MTUS1: variants seen among roughly 807,000 people sequenced by gnomAD.
The protein encoded by MTUS1 is microtubule associated scaffold protein 1.
A neutral mutation model predicts 120.8 loss-of-function variants in MTUS1; 109 were observed. That is an observed-to-expected ratio of 0.90 (90% CI 0.77 to 1.06). The LOEUF (loss-of-function observed/expected upper bound fraction) is 1.06. MTUS1 is among the 50% of genes least tolerant of loss of function. The probability of loss-of-function intolerance (pLI) is 0.00; values close to 1 mark genes in which losing one functional copy is unlikely to be tolerated. For missense variants in MTUS1, 2,210 were observed against 1,486.3 expected (o/e 1.49, Z -8.01); for synonymous variants, 737 against 550.5 (o/e 1.34, Z -4.74).
chr8:17,651,590 T>C (rs1020233061), intron 12 of MTUS1: 1 of 151,592 alleles, frequency 6.6e-6, no homozygotes, highest in South Asian at 2.1e-4. Flanking sequence ...TAGAGGGAAA[T>C]GGCATAACTT....
chr8:17,758,857 T>C (rs1332682311), intron 1 of MTUS1, among the ~76,000 whole-genome samples: 1 of 152,224 alleles, frequency 6.6e-6, no homozygotes, highest in Non-Finnish European at 1.5e-5. Flanking sequence ...ATAAATTGAA[T>C]TAAGGGCTCA....
intron 6 of MTUS1, 116 bp downstream of exon 6, chr8:17,713,098 C>T: frequency 3.5e-6 from 3 of 855,794 alleles, no homozygotes; most frequent in Non-Finnish European, 5.7e-6. Flanking sequence ...AGGTTTACAC[C>T]TCAAATTGGA....
At chr8:17,663,104 C>T (rs1289035964) in intron 8 of MTUS1, among the ~76,000 whole-genome samples, 1 of 152,108 alleles carries the variant, frequency 6.6e-6, no homozygotes. Flanking sequence ...TTTTGCTTTT[C>T]AAGTAATTAT....
At chr8:17,667,850 C>T (rs1163427684) in intron 8 of MTUS1, among the ~76,000 whole-genome samples, 1 of 152,120 alleles carries the variant, frequency 6.6e-6, no homozygotes, top group African/African-American at 2.4e-5. Flanking sequence ...GAGAAGTAGA[C>T]TGAGAGCTGA....
At chr8:17,693,624 A>C (rs1321726304) in intron 6 of MTUS1, among the ~76,000 whole-genome samples, 2 of 152,180 alleles carry the variant, frequency 1.3e-5, no homozygotes, top group Admixed American at 1.3e-4. Flanking sequence ...TGTCGGAAAC[A>C]CTTTGTTTCT....
chr8:17,689,550 A>T (rs1318052218), intron 6 of MTUS1, among the ~76,000 whole-genome samples: 1 of 152,178 alleles, frequency 6.6e-6, no homozygotes, highest in East Asian at 1.9e-4. Flanking sequence ...CAAATTTCTC[A>T]TACTCTTATG....
At chr8:17,669,048 C>T (rs1811480130) in intron 8 of MTUS1, among the ~76,000 whole-genome samples, 1 of 152,196 alleles carries the variant, frequency 6.6e-6, no homozygotes, top group Non-Finnish European at 1.5e-5. Flanking sequence ...GTGCCAAGCA[C>T]AAGGTGGGAG....
intron 8 of MTUS1, among the ~76,000 whole-genome samples, chr8:17,668,894 T>C (rs1046797461): frequency 6.6e-5 from 10 of 152,220 alleles, no homozygotes; most frequent in African/African-American, 2.4e-4. Flanking sequence ...GTGTTTGTCA[T>C]AGAAATGTTA....
chr8:17,781,170 T>C (rs1012675609), intron 1 of MTUS1, among the ~76,000 whole-genome samples: 9 of 152,166 alleles, frequency 5.9e-5, no homozygotes, highest in Admixed American at 5.9e-4. Context: ...CCACCTAAAA[T>C]GGAACAAAGG....
rs763674233 is a variant in MTUS1 at position 17,723,749 on chromosome 8, C to G, written c.2372G>C (p.Ser791Thr). ...GCTTCCTGTCCTCCGCAGCGCAGGA[C>G]TTTTCAAAGATGCTTTGGATTTAGG... ...PLPKSKASLK[S>T]PALRRTGSTP... Residue 791 changes from serine (S) to threonine (T), a missense_variant, in exon 4 of 15, where the codon AGT becomes ACT. Transcript: ENST00000693296. 7.5e-6 allele frequency: 12 copies of G among 1,610,618 alleles called. No homozygotes were observed. In the East Asian group the frequency reaches 1.1e-4, roughly 15 times the overall value.
intron 8 of MTUS1, among the ~76,000 whole-genome samples, chr8:17,657,603 G>A (rs1273184030): frequency 6.7e-6 from 1 of 149,552 alleles, no homozygotes; most frequent in South Asian, 2.1e-4. Context: ...AGAATCATTT[G>A]CACCTAGGAG....
chr8:17,786,745 G>A (rs899571084), intron 1 of MTUS1, among the ~76,000 whole-genome samples: 2 of 152,142 alleles, frequency 1.3e-5, no homozygotes, highest in South Asian at 2.1e-4. Flanking sequence ...GGATCCACCC[G>A]AGCGGTATGA....
At chr8:17,712,113 G>A (rs532857047) in intron 6 of MTUS1, among the ~76,000 whole-genome samples, 32 of 152,336 alleles carry the variant, frequency 2.1e-4, no homozygotes, top group Middle Eastern at 3.4e-3. Context: ...ACACAGACAT[G>A]AAGTGAGCAA....
At chr8:17,751,842 G>A (rs1412885069) in intron 2 of MTUS1, among the ~76,000 whole-genome samples, 3 of 110,334 alleles carry the variant, frequency 2.7e-5, no homozygotes, top group Non-Finnish European at 5.2e-5. Flanking sequence ...TGGCGAAAGA[G>A]CAAGAACAAG....
chr8:17,674,512 A>G (rs757337696), intron 8 of MTUS1: 149 of 985,110 alleles, frequency 1.5e-4, no homozygotes, highest in Non-Finnish European at 1.7e-4. Context: ...CTTCCAGGAG[A>G]GAATGGAACT....
In MTUS1 at chr8:17,649,836, G is replaced by A; in HGVS notation, c.3501+10C>T. 1 of 1,420,996 alleles carries A rather than the reference G, an allele frequency of 7.0e-7. No individual in the cohort carries two copies. The highest frequency in any genetic ancestry group is 1.1e-5 in the South Asian group (1 of 86,998). The allele number at this position is 1,420,996 out of a possible 1,614,324, so 88.0% of individuals were successfully genotyped here. A position where few individuals can be genotyped will look rare whatever the true frequency, so the allele number is the denominator to read the frequency against. Reference sequence around the variant, plus strand: ...TTGTAAGATCCTCTTTCATTCTGAAGGAAACATACCAGTTTCTCCATTTTC... The same window carrying A: ...TTGTAAGATCCTCTTTCATTCTGAAAGAAACATACCAGTTTCTCCATTTTC... On this transcript the variant is annotated intron_variant, in intron 13 of 14. Coordinates refer to ENST00000693296, the MANE Select transcript of MTUS1 (RefSeq NM_001363059.2).
chr8:17,754,094 T>C lies in MTUS1; in HGVS notation c.1714A>G (p.Asn572Asp). 6 of 1,614,098 alleles carry C rather than the reference T, an allele frequency of 3.7e-6. No individual in the cohort carries two copies. In the South Asian group the frequency reaches 5.5e-5, roughly 15 times the overall value. The change falls in exon 2 of 15, where the codon AAC becomes GAC. Residue 572 changes from asparagine to aspartate, a missense_variant. By Grantham distance (23) the Asn-to-Asp change is conservative. Coordinates refer to ENST00000693296, the MANE Select transcript of MTUS1 (RefSeq NM_001363059.2). Reference sequence around the variant, plus strand: ...TTAAACTGCTGCTTATGTGTCTTGTTAATTAGAATTTCTGCTTTTTTGTCT... The same window carrying C: ...TTAAACTGCTGCTTATGTGTCTTGTCAATTAGAATTTCTGCTTTTTTGTCT... The part of the protein sequence containing the change: ...NADKKAEILI[N>D]KTHKQQFNKL...
At chr8:17,789,530 G>A (rs984103846) in intron 1 of MTUS1, among the ~76,000 whole-genome samples, 1 of 152,092 alleles carries the variant, frequency 6.6e-6, no homozygotes. Flanking sequence ...TCTCTCCAAA[G>A]TCCACTTGGT....
chr8:17,751,101 G>A lies in MTUS1; in HGVS notation c.2091+2616C>T, dbSNP rs556024110. ...GGAGGCCAATGTGGGCGGATCACTT[G>A]AGGTCAGGAGTTCGAGACCAGCCTG... On this transcript the variant is annotated intron_variant, in intron 2 of 14. Coordinates refer to ENST00000693296, the MANE Select transcript of MTUS1 (RefSeq NM_001363059.2). Among the ~76,000 whole-genome samples the A allele has an allele frequency of 5.9e-5, 9 of 152,248 alleles. No homozygotes were observed. In the East Asian group the frequency reaches 1.7e-3, roughly 29 times the overall value.
Sources: allele counts gnomAD v4.1 joint callset (sites outside exome capture counted in the v4.1 genomes callset), GRCh38; gene constraint gnomAD v4.1.1; transcripts MANE v1.5; gene names NCBI Gene and HGNC (gene_info 2026-07-23, HGNC 2026-07-21).